The following NDUFA9 variants were observed in gnomAD, a reference collection of about 807,000 sequenced individuals.
NDUFA9 encodes NADH dehydrogenase [ubiquinone] 1 alpha subcomplex subunit 9, mitochondrial.
Under a neutral mutation model 45.9 loss-of-function variants are expected in NDUFA9, and 23 were observed. The ratio of observed to expected loss-of-function variants is 0.50; its 90% CI spans 0.36 to 0.71. The LOEUF is 0.71. NDUFA9 is among the 30% of genes least tolerant of loss of function. The probability of loss-of-function intolerance (pLI) is 0.00; values close to 1 mark genes in which losing one functional copy is unlikely to be tolerated. For synonymous variants in NDUFA9, 176 were observed against 170.5 expected (o/e 1.03, Z -0.25); for missense variants, 466 against 488.2 (o/e 0.95, Z 0.43).
chr12:4,660,499 C>T (rs1164963120), intron 5 of NDUFA9, among the ~76,000 whole-genome samples: 4 of 152,012 alleles, frequency 2.6e-5, no homozygotes, highest in Non-Finnish European at 5.9e-5. Flanking sequence ...GAGTTACCAG[C>T]ATTTGTTGTT....
At chr12:4,665,251 C>T (rs1406995169) in intron 6 of NDUFA9, among the ~76,000 whole-genome samples, 1 of 152,182 alleles carries the variant, frequency 6.6e-6, no homozygotes, top group Non-Finnish European at 1.5e-5. Flanking sequence ...TCTGTTCCCT[C>T]CTTCCCCCCA....
chr12:4,654,993 A>G lies in NDUFA9; in HGVS notation c.318+71A>G, dbSNP rs1409949742. 6.5e-6 allele frequency: 8 copies of G among 1,235,454 alleles called. No individual in the cohort carries two copies. The East Asian group carries it at 1.9e-4, about 29-fold the overall frequency. The allele number at this position is 1,235,454 out of a possible 1,614,324, so 76.5% of individuals were successfully genotyped here. A position where few individuals can be genotyped will look rare whatever the true frequency, so the allele number is the denominator to read the frequency against. On this transcript the variant is annotated intron_variant, in intron 3 of 10. Transcript: ENST00000266544. ...AAGGTCATTTTTAGGAGTGATAGGC[A>G]GTATAATAAAGCAGTAATTTCTTCC...
intron 3 of NDUFA9, among the ~76,000 whole-genome samples, chr12:4,656,421 A>G (rs1394361393): frequency 6.6e-6 from 1 of 152,200 alleles, no homozygotes; most frequent in Non-Finnish European, 1.5e-5. Flanking sequence ...CATCTATTCC[A>G]TTATTTCTGC....
In NDUFA9 at chr12:4,690,316, A is replaced by G. The variant is rs1329471221; in HGVS notation, c.*3208A>G. 1 of 152,186 alleles carries G rather than the reference A, an allele frequency of 6.6e-6. No individual in the cohort carries two copies. The highest frequency in any genetic ancestry group is 1.5e-5 in the Non-Finnish European group (1 of 68,056). 9.4% of individuals were successfully genotyped at this position (152,186 alleles called of 1,614,324 possible). ...CTGTTTACCTTCTGATTCTACTTTAAATTCCGTTCATGTTCTTCCTTGGCC... is the reference window on the plus strand; with the variant it reads ...CTGTTTACCTTCTGATTCTACTTTAGATTCCGTTCATGTTCTTCCTTGGCC... On this transcript the variant is annotated 3_prime_UTR_variant, in exon 11 of 11. Transcript: ENST00000266544.
chr12:4,655,103 T>G (rs987877610), intron 3 of NDUFA9, 181 bp downstream of exon 3: 2 of 547,840 alleles, frequency 3.7e-6, no homozygotes, highest in South Asian at 5.2e-5. Flanking sequence ...AGCTCTAGAT[T>G]GGCAGTTGGC....
At chr12:4,680,010 A>C (rs1314677878) in intron 8 of NDUFA9, among the ~76,000 whole-genome samples, 2 of 152,220 alleles carry the variant, frequency 1.3e-5, no homozygotes, top group Non-Finnish European at 2.9e-5. Flanking sequence ...AAGGAAAAGA[A>C]TTCAAGGATA....
At chr12:4,656,245 A>G in intron 3 of NDUFA9, among the ~76,000 whole-genome samples, 1 of 152,146 alleles carries the variant, frequency 6.6e-6, no homozygotes, top group East Asian at 1.9e-4. Flanking sequence ...TTCTTCTCCA[A>G]AATCTTACTA....
chr12:4,677,854 C>T (rs1371054624), intron 8 of NDUFA9, among the ~76,000 whole-genome samples: 2 of 152,182 alleles, frequency 1.3e-5, no homozygotes, highest in South Asian at 2.1e-4. Context: ...TTTATTACGG[C>T]ACTGTTCACA....
chr12:4,651,999 T>C (rs1248285478), intron 1 of NDUFA9, among the ~76,000 whole-genome samples: 2 of 152,220 alleles, frequency 1.3e-5, no homozygotes, highest in Non-Finnish European at 2.9e-5. Flanking sequence ...GTCTCCATAA[T>C]CATTACTTAA....
At chr12:4,657,667 C>G in intron 3 of NDUFA9, 81 bp from the exon 4 acceptor site, 1 of 997,984 alleles carries the variant, frequency 1.0e-6, no homozygotes, top group Non-Finnish European at 1.6e-6. Context: ...CATTTTGAAA[C>G]TTGCATTGAG....
At position 4,687,759 on chromosome 12, in the gene NDUFA9, T is replaced by A. The variant is rs1208026278; in HGVS notation, c.*651T>A. 2.6e-5 allele frequency: 4 copies of A among 152,224 alleles called. No individual in the cohort carries two copies. The highest frequency in any genetic ancestry group is 9.7e-5 in the African/African-American group (4 of 41,446). The allele number at this position is 152,224 out of a possible 1,614,324, so 9.4% of individuals were successfully genotyped here. A position where few individuals can be genotyped will look rare whatever the true frequency, so the allele number is the denominator to read the frequency against. ...TGCAAAGGAGATGCTTCAGCTTCTA[T>A]GCCAGCAGTGCCAGCACTTAGGAAT... On this transcript the variant is annotated 3_prime_UTR_variant, in exon 11 of 11. Coordinates refer to ENST00000266544, the MANE Select transcript of NDUFA9 (RefSeq NM_005002.5).
At chr12:4,680,377 G>C (rs953700635) in intron 8 of NDUFA9, among the ~76,000 whole-genome samples, 17 of 152,170 alleles carry the variant, frequency 1.1e-4, no homozygotes, top group Non-Finnish European at 1.9e-4. Context: ...TAGTGGGTAG[G>C]GGCCTGGGAG....
At chr12:4,675,568 G>A (rs1945914628) in intron 8 of NDUFA9, among the ~76,000 whole-genome samples, 1 of 152,132 alleles carries the variant, frequency 6.6e-6, no homozygotes, top group Admixed American at 6.5e-5. Flanking sequence ...AGAAGAAATG[G>A]ATAGGTTCCT....
At chr12:4,668,210 T>G (rs1055385168) in intron 6 of NDUFA9, among the ~76,000 whole-genome samples, 15 of 152,256 alleles carry the variant, frequency 9.9e-5, no homozygotes, top group African/African-American at 3.4e-4. Flanking sequence ...CAGAGCAGAC[T>G]AGTTGTCTAG....
In NDUFA9 at chr12:4,691,901, T is replaced by G. The variant is rs188219203; in HGVS notation, c.*4793T>G. On this transcript the variant is annotated 3_prime_UTR_variant, in exon 11 of 11. Coordinates refer to ENST00000266544, the MANE Select transcript of NDUFA9 (RefSeq NM_005002.5). ...ATCTCATCCTTATGACAGGAAGTAG[T>G]CCTGCAGCTTGGAGCAAGGTGCCCA... 3.9e-5 allele frequency: 6 copies of G among 152,138 alleles called. No homozygotes were observed. In the East Asian group the frequency reaches 9.7e-4, roughly 25 times the overall value. 9.4% of individuals were successfully genotyped at this position (152,138 alleles called of 1,614,324 possible).
intron 9 of NDUFA9, among the ~76,000 whole-genome samples, chr12:4,683,072 G>A (rs1487431644): frequency 6.6e-6 from 1 of 151,958 alleles, no homozygotes; most frequent in Non-Finnish European, 1.5e-5. Context: ...TGCGCACAGT[G>A]GTGCACACCT....
chr12:4,657,930 C>A, intron 4 of NDUFA9, 91 bp downstream of exon 4: 3 of 988,492 alleles, frequency 3.0e-6, no homozygotes, highest in South Asian at 1.3e-5. Flanking sequence ...CCAGCTATCA[C>A]AGTGACATTT....
intron 6 of NDUFA9, among the ~76,000 whole-genome samples, chr12:4,664,824 G>A (rs1945843956): frequency 6.6e-6 from 1 of 152,228 alleles, no homozygotes; most frequent in Admixed American, 6.5e-5. Flanking sequence ...GTTTCATTGT[G>A]TGTGTGTTTT....
At chr12:4,654,612 G>C in intron 2 of NDUFA9, 150 bp downstream of exon 2, 1 of 955,850 alleles carries the variant, frequency 1.0e-6, no homozygotes, top group Non-Finnish European at 1.5e-6. Context: ...GTGACATGAA[G>C]AGCACACTCA....
Sources: gnomAD v4.1 joint callset for allele counts (sites outside exome capture counted in the v4.1 genomes callset) on GRCh38, gnomAD v4.1.1 for gene constraint, MANE v1.5 for transcripts, NCBI Gene and HGNC (gene_info 2026-07-23, HGNC 2026-07-21) for gene names.